Variants in NOD1 observed in about 807,000 individuals in gnomAD.
NOD1 encodes nucleotide-binding oligomerization domain-containing protein 1.
A neutral mutation model predicts 81.2 loss-of-function variants in NOD1; 70 were observed. That is an observed-to-expected ratio of 0.86 (90% confidence interval 0.71 to 1.05). NOD1 has a LOEUF of 1.05. Ranked by LOEUF, NOD1 falls within the 50% of genes least tolerant of loss-of-function variation. The pLI is 0.00. For missense variants in NOD1, 1,233 were observed against 1,228.0 expected (o/e 1.00, Z -0.06); for synonymous variants, 508 against 526.9 (o/e 0.96, Z 0.49).
chr7:30,473,195 C>G (rs1788447279), intron 1 of NOD1, among the ~76,000 whole-genome samples: 2 of 152,132 alleles, frequency 1.3e-5, no homozygotes, highest in African/African-American at 4.8e-5. Flanking sequence ...CTTTCTGGGC[C>G]CCCAAATTCC....
In NOD1 at chr7:30,452,212, T is replaced by C. The variant is rs1785813447; in HGVS notation, c.1205A>G (p.Gln402Arg). Residue 402 changes from glutamine (Q) to arginine (R), a missense_variant, in exon 6 of 14, where the codon CAG becomes CGG. By Grantham distance (43) the Gln-to-Arg change is conservative. Coordinates refer to ENST00000222823, the MANE Select transcript of NOD1 (RefSeq NM_006092.4). ...GCCTTCAAAGGCAGCACGGAAGTGC[T>C]GGAAGCACCGGAAGATGATCCAGCA... is the stretch of plus-strand genomic sequence containing the variant. Reference protein sequence around the residue: ...LFCWIIFRCFQHFRAAFEGSP... With the variant: ...LFCWIIFRCFRHFRAAFEGSP... 2 of 1,613,748 alleles carry C rather than the reference T, an allele frequency of 1.2e-6. No individual in the cohort carries two copies. Among genetic ancestry groups the C allele is most frequent in the African/African-American group, 1.3e-5 (1 of 74,918 alleles).
intron 12 of NOD1, among the ~76,000 whole-genome samples, chr7:30,431,963 G>A (rs1318284560): frequency 6.6e-6 from 1 of 152,072 alleles, no homozygotes; most frequent in Non-Finnish European, 1.5e-5. Context: ...AAATGAGACA[G>A]GCATGGTGGC....
chr7:30,470,012 C>T (rs1057371871), intron 1 of NOD1, among the ~76,000 whole-genome samples: 25 of 151,098 alleles, frequency 1.7e-4, no homozygotes, highest in Admixed American at 1.0e-3. Flanking sequence ...ATTCTATCCC[C>T]GCCTCTCTCA....
intron 1 of NOD1, among the ~76,000 whole-genome samples, chr7:30,468,208 A>C (rs972712332): frequency 6.6e-6 from 1 of 152,232 alleles, no homozygotes; most frequent in Non-Finnish European, 1.5e-5. Flanking sequence ...AATGGTTGCC[A>C]AACGTTTCAT....
chr7:30,464,436 C>G (rs1334916784), intron 1 of NOD1, among the ~76,000 whole-genome samples: 1 of 152,248 alleles, frequency 6.6e-6, no homozygotes, highest in Non-Finnish European at 1.5e-5. Context: ...ATGTCCGGCC[C>G]TGCAACGTGC....
At chr7:30,465,398 A>G (rs932575449) in intron 1 of NOD1, among the ~76,000 whole-genome samples, 9 of 152,172 alleles carry the variant, frequency 5.9e-5, no homozygotes, top group Admixed American at 2.6e-4. Context: ...TGTTCTCTGC[A>G]GCCTAAAAAA....
At chr7:30,464,385 G>C (rs1024612559) in intron 1 of NOD1, among the ~76,000 whole-genome samples, 3 of 152,220 alleles carry the variant, frequency 2.0e-5, no homozygotes, top group Non-Finnish European at 4.4e-5. Context: ...TGAGGTTGCA[G>C]CTGTTCATTC....
In NOD1 at chr7:30,433,811, TA is replaced by T. The variant is rs576916441; in HGVS notation, c.2622-633del. Among the ~76,000 whole-genome samples the T allele has an allele frequency of 6.9e-3, 1,026 of 148,766 alleles. 8 individuals are homozygous for T. The highest frequency in any genetic ancestry group is 0.013 in the African/African-American group (547 of 40,710). The stretch of plus-strand genomic sequence containing the variant: ...AGAAGAATAGAACAGAAAGAACATT[TA>T]AAAAAAAAAATTCCTTGAAGGGCAG... On this transcript the variant is annotated intron_variant, in intron 11 of 13. Transcript: ENST00000222823.
intron 1 of NOD1, among the ~76,000 whole-genome samples, chr7:30,462,192 C>T (rs574814600): frequency 6.6e-6 from 1 of 152,352 alleles, no homozygotes; most frequent in South Asian, 2.1e-4. Flanking sequence ...CTCTTCACTG[C>T]TGCATACAAT....
Position 30,433,185 on chromosome 7 carries a change from GA to G in NOD1, c.2622-7del, listed in dbSNP as rs747063477. 10 of 1,605,440 alleles carry G rather than the reference GA, an allele frequency of 6.2e-6. No individual in the cohort carries two copies. The highest frequency in any genetic ancestry group is 6.8e-6 in the Non-Finnish European group (8 of 1,174,212). ...TGAGTTCATTTTGGGTCAGCCTAAG[GA>G]AAAAAAAGGAAGTATTTACTCAAGA... On this transcript the variant is annotated splice_polypyrimidine_tract_variant and splice_region_variant and intron_variant, in intron 11 of 13. Transcript: ENST00000222823.
intron 7 of NOD1, chr7:30,447,918 G>A (rs113800129): frequency 4.9e-6 from 1 of 204,612 alleles, no homozygotes; most frequent in African/African-American, 2.3e-5. Flanking sequence ...CATGCACTCA[G>A]AATCCCCATT....
At position 30,457,035 on chromosome 7, in the gene NOD1, C is replaced by T. The variant is rs570667281; in HGVS notation, c.-114G>A. On this transcript the variant is annotated 5_prime_UTR_variant, in exon 4 of 14. Transcript: ENST00000222823. ...GCCCTCCAGGGCCCCTGCTACTCTG[C>T]GCAGCCCCTGAAGAGATCAATGACA... 1.6e-5 allele frequency: 13 copies of T among 807,934 alleles called. No homozygotes were observed. The highest frequency in any genetic ancestry group is 3.0e-5 in the South Asian group (2 of 66,310). The allele number at this position is 807,934 out of a possible 1,614,324, so 50.0% of individuals were successfully genotyped here.
chr7:30,473,899 T>TA (rs1470119878), intron 1 of NOD1, among the ~76,000 whole-genome samples: 1 of 152,094 alleles, frequency 6.6e-6, no homozygotes, highest in East Asian at 1.9e-4. Flanking sequence ...GTCTCCTCTA[T>TA]AAAACAAGGG....
Position 30,456,736 on chromosome 7 carries a change from G to A in NOD1, c.186C>T (p.Pro62=), listed in dbSNP as rs1161347514. 6.2e-7 allele frequency: 1 copy of A among 1,613,808 alleles called. No homozygotes were observed. The highest frequency in any genetic ancestry group is 2.2e-5 in the East Asian group (1 of 44,892). ...AEDAEIVCAC[P]TQPDKVRKIL... ...CCCGGGGCACCTTGTCAGGCTGGGTGGGGCAGGCACACACAATCTCCGCAT... is the reference window on the plus strand; with the variant it reads ...CCCGGGGCACCTTGTCAGGCTGGGTAGGGCAGGCACACACAATCTCCGCAT... Residue 62 remains proline (P), a synonymous_variant, in exon 4 of 14, where the codon CCC becomes CCT. Coordinates refer to ENST00000222823, the MANE Select transcript of NOD1 (RefSeq NM_006092.4).
intron 1 of NOD1, among the ~76,000 whole-genome samples, chr7:30,477,967 CTA>C (rs570227595): frequency 6.6e-6 from 1 of 152,190 alleles, no homozygotes; most frequent in Non-Finnish European, 1.5e-5. Context: ...CTGTCATTTC[CTA>C]TGTTTTTCAC....
In NOD1 at chr7:30,456,876, A is replaced by G; in HGVS notation, c.46T>C (p.Ser16Pro). ...TTCAGTAATTGAATGTGGGGGTGAG[A>G]CTCTGATGGGATTATTTCCATCTCA... is the stretch of plus-strand genomic sequence containing the variant. ...HSEMEIIPSE[S>P]HPHIQLLKSN... Residue 16 changes from serine (S) to proline (P), a missense_variant, in exon 4 of 14, where the codon TCT (serine) becomes CCT (proline). By Grantham distance (74) the Ser-to-Pro change is moderately conservative. Transcript: ENST00000222823. The G allele has an allele frequency of 3.1e-6, 5 of 1,614,028 alleles. No individual in the cohort carries two copies. The highest frequency in any genetic ancestry group is 4.2e-6 in the Non-Finnish European group (5 of 1,179,994).
chr7:30,460,561 C>G (rs1420417847), intron 1 of NOD1: 1 of 985,372 alleles, frequency 1.0e-6, no homozygotes. Flanking sequence ...AAAAACCAAG[C>G]TAATGGAGGC....
At position 30,451,351 on chromosome 7, in the gene NOD1, G is replaced by A. The variant is rs781181992; in HGVS notation, c.2066C>T (p.Ser689Leu). ...GAAGGAGAGGGCGCTGCAGTCGGCC[G>A]AGCAGGCGTTGCAGTAGGTCAGCTT... ...YLKLTYCNAC[S>L]ADCSALSFVL... Residue 689 changes from serine to leucine, a missense_variant, in exon 6 of 14, where the codon TCG (serine) becomes TTG (leucine). Ser to Leu is a moderately radical substitution (Grantham distance 145). Coordinates refer to ENST00000222823, the MANE Select transcript of NOD1 (RefSeq NM_006092.4). The surrounding 1 kb of genome is among the most constrained non-coding windows in gnomAD (Gnocchi z 4.2). 18 of 1,614,060 alleles carry A rather than the reference G, an allele frequency of 1.1e-5. No homozygotes were observed. The highest frequency in any genetic ancestry group is 3.3e-5 in the Admixed American group (2 of 60,016).
chr7:30,469,331 C>T (rs1328836448), intron 1 of NOD1: 1 of 803,544 alleles, frequency 1.2e-6, no homozygotes, highest in African/African-American at 1.9e-5. Flanking sequence ...CTTAATCCCT[C>T]AGAATTTGAA....
Sources: allele counts gnomAD v4.1 joint callset (sites outside exome capture counted in the v4.1 genomes callset), GRCh38; gene constraint gnomAD v4.1.1; non-coding constraint Gnocchi (gnomAD v3.1); transcripts MANE v1.5; gene names NCBI Gene and HGNC (gene_info 2026-07-23, HGNC 2026-07-21).